Variants in SMYD3 observed in about 807,000 individuals in gnomAD.
SMYD3 encodes histone-lysine N-methyltransferase SMYD3.
SMYD3 carries 36 observed loss-of-function variants against 57.7 expected under a neutral mutation model. The ratio of observed to expected loss-of-function variants is 0.62; its 90% CI spans 0.48 to 0.82. The LOEUF is 0.82. Among genes scored for constraint, SMYD3 ranks in the 40% least tolerant of loss-of-function variants. SMYD3 has a pLI of 0.00. For synonymous variants in SMYD3, 211 were observed against 195.0 expected (o/e 1.08, Z -0.68); for missense variants, 515 against 538.8 (o/e 0.96, Z 0.44).
At chr1:246,269,984 G>C (rs950422830) in intron 5 of SMYD3, among the ~76,000 whole-genome samples, 4 of 152,122 alleles carry the variant, frequency 2.6e-5, no homozygotes, top group African/African-American at 9.7e-5. Flanking sequence ...AAATTGAAAT[G>C]GTACTCAAGT....
intron 8 of SMYD3, among the ~76,000 whole-genome samples, chr1:245,880,574 A>G (rs772146740): frequency 1.3e-5 from 2 of 152,228 alleles, no homozygotes; most frequent in African/African-American, 4.8e-5. Context: ...AATCATTTCA[A>G]CGAAGTATCA....
At chr1:245,955,186 G>A (rs1324460665) in intron 5 of SMYD3, among the ~76,000 whole-genome samples, 1 of 152,142 alleles carries the variant, frequency 6.6e-6, no homozygotes, top group Non-Finnish European at 1.5e-5. Context: ...CCGCCTCCCG[G>A]GTTCACGCCA....
chr1:245,924,295 C>T (rs1025826336), intron 7 of SMYD3, among the ~76,000 whole-genome samples: 1 of 151,888 alleles, frequency 6.6e-6, no homozygotes, highest in African/African-American at 2.4e-5. Flanking sequence ...CTGTAGGAGG[C>T]GGCTGAATGA....
intron 1 of SMYD3, among the ~76,000 whole-genome samples, chr1:246,400,181 C>T (rs757559532): frequency 2.0e-4 from 30 of 152,302 alleles, no homozygotes; most frequent in Non-Finnish European, 4.1e-4. Context: ...ACAGGTCACT[C>T]GTTCATTTAT....
chr1:245,847,886 A>T (rs950662320), intron 10 of SMYD3, among the ~76,000 whole-genome samples: 10 of 152,160 alleles, frequency 6.6e-5, no homozygotes, highest in Non-Finnish European at 1.5e-4. Context: ...CCTAAACACA[A>T]TTTCTCAAAT....
At chr1:246,475,112 T>G (rs1040311110) in intron 1 of SMYD3, among the ~76,000 whole-genome samples, 16 of 151,700 alleles carry the variant, frequency 1.1e-4, no homozygotes, top group Admixed American at 6.6e-5. Context: ...TGGCCAGGAG[T>G]TCGTGACCAC....
chr1:245,816,947 C>A (rs2048847224), intron 10 of SMYD3, among the ~76,000 whole-genome samples: 1 of 151,324 alleles, frequency 6.6e-6, no homozygotes. Context: ...GATCAAACTG[C>A]AAGGCGGCAG....
chr1:246,447,267 G>C (rs1057474752), intron 1 of SMYD3, among the ~76,000 whole-genome samples: 5 of 152,186 alleles, frequency 3.3e-5, no homozygotes, highest in Non-Finnish European at 7.4e-5. Flanking sequence ...TAAGTAAGTA[G>C]AGTGTATCAC....
chr1:246,169,210 G>C lies in SMYD3; in HGVS notation c.531+157991C>G, dbSNP rs112318584. The stretch of plus-strand genomic sequence containing the variant: ...CAGTCTGCAAAAGACAGATGCCAAG[G>C]CCCAGGAGTCACGGGTAAGCTCACG... On this transcript the variant is annotated intron_variant, in intron 5 of 11. Transcript: ENST00000490107. Among the ~76,000 whole-genome samples the C allele has an allele frequency of 1.6e-3, 247 of 151,986 alleles. 1 individual carries two copies. The highest frequency in any genetic ancestry group is 5.5e-3 in the African/African-American group (229 of 41,438).
chr1:246,221,229 G>A (rs1282160238), intron 5 of SMYD3, among the ~76,000 whole-genome samples: 4 of 152,128 alleles, frequency 2.6e-5, no homozygotes, highest in Admixed American at 1.3e-4. Context: ...GGAGCTGAAC[G>A]CTCATTGGGA....
intron 5 of SMYD3, among the ~76,000 whole-genome samples, chr1:246,079,127 T>C (rs1455001960): frequency 6.6e-6 from 1 of 152,152 alleles, no homozygotes; most frequent in Non-Finnish European, 1.5e-5. Context: ...ATAGGCTTCT[T>C]TTGTCTTAGG....
intron 5 of SMYD3, among the ~76,000 whole-genome samples, chr1:246,139,302 T>C (rs775816854): frequency 6.6e-6 from 1 of 152,218 alleles, no homozygotes; most frequent in Non-Finnish European, 1.5e-5. Context: ...AACATGAGTA[T>C]TTCAATACAT....
At chr1:245,953,415 T>A in intron 5 of SMYD3, 1 of 910,718 alleles carries the variant, frequency 1.1e-6, no homozygotes, top group Non-Finnish European at 1.3e-6. Flanking sequence ...AAAAGTAGGG[T>A]TCAGTTTGTT....
intron 8 of SMYD3, among the ~76,000 whole-genome samples, chr1:245,892,771 T>C (rs1041102960): frequency 1.3e-5 from 2 of 152,206 alleles, no homozygotes; most frequent in African/African-American, 4.8e-5. Flanking sequence ...CCTAAAACTA[T>C]AAAATCTAAT....
intron 5 of SMYD3, among the ~76,000 whole-genome samples, chr1:246,299,946 C>A (rs148313077): frequency 6.6e-6 from 1 of 151,572 alleles, no homozygotes; most frequent in African/African-American, 2.4e-5. Context: ...ATAATCTGTA[C>A]GACAAACCCT....
chr1:245,770,734 GC>G (rs1465520520), intron 10 of SMYD3, among the ~76,000 whole-genome samples: 2 of 152,144 alleles, frequency 1.3e-5, no homozygotes, highest in African/African-American at 4.8e-5. Context: ...CTTTAAAATA[GC>G]TCATAAATAT....
At position 246,252,809 on chromosome 1, in the gene SMYD3, A is replaced by C. The variant is rs72776331; in HGVS notation, c.531+74392T>G. 4.3e-3 allele frequency among the ~76,000 whole-genome samples: 662 copies of C among 152,332 alleles called. 3 individuals carry two copies. Among genetic ancestry groups the C allele is most frequent in the Non-Finnish European group, 7.5e-3 (510 of 68,040 alleles). On this transcript the variant is annotated intron_variant, in intron 5 of 11. Transcript: ENST00000490107. The stretch of plus-strand genomic sequence containing the variant: ...TATTCACATAACACTTAATAATCAC[A>C]TTTAAGTATTCACTAACAGAACAAA...
chr1:246,052,132 G>A (rs994976406), intron 5 of SMYD3, among the ~76,000 whole-genome samples: 1 of 152,158 alleles, frequency 6.6e-6, no homozygotes, highest in Non-Finnish European at 1.5e-5. Context: ...GAAGATCAGA[G>A]GATTGAAAGG....
chr1:246,487,544 A>G (rs1244554416), intron 1 of SMYD3, among the ~76,000 whole-genome samples: 5 of 152,186 alleles, frequency 3.3e-5, no homozygotes, highest in African/African-American at 1.2e-4. Flanking sequence ...GCACCACCCT[A>G]AACAACCAGG....
Sources: gnomAD v4.1 joint callset for allele counts (sites outside exome capture counted in the v4.1 genomes callset) on GRCh38, gnomAD v4.1.1 for gene constraint, MANE v1.5 for transcripts, NCBI Gene and HGNC (gene_info 2026-07-23, HGNC 2026-07-21) for gene names.